Variants in TCF4 observed in about 807,000 individuals in gnomAD.
TCF4 encodes the protein SL3-3 enhancer factor 2.
A neutral mutation model predicts 82.1 loss-of-function variants in TCF4; 3 were observed. That is an observed-to-expected ratio of 0.04 (90% CI 0.02 to 0.09). The LOEUF (loss-of-function observed/expected upper bound fraction) is 0.09. TCF4 is among the 10% of genes least tolerant of loss of function. TCF4 has a pLI of 1.00. For synonymous variants in TCF4, 276 were observed against 309.6 expected, an observed-to-expected ratio of 0.89 and a Z score of 1.14; for missense variants, 518 against 852.7, an observed-to-expected ratio of 0.61 and a Z score of 4.89.
rs541967072 is a variant in TCF4 at position 55,287,460 on chromosome 18, T to C, written c.550-7804A>G. Among the ~76,000 whole-genome samples, 45 of 152,346 alleles carry C rather than the reference T, an allele frequency of 3.0e-4. 1 individual carries two copies. Among genetic ancestry groups the C allele is most frequent in the South Asian group, 6.2e-4 (3 of 4,826 alleles). Reference sequence around the variant, plus strand: ...TCATTCACCAAATTTCCTTTCCCGTTTTAGGAAGTCACAAAACGGTAAGAA... The same window carrying C: ...TCATTCACCAAATTTCCTTTCCCGTCTTAGGAAGTCACAAAACGGTAAGAA... On this transcript the variant is annotated intron_variant, in intron 8 of 19. Transcript: ENST00000354452.
intron 8 of TCF4, among the ~76,000 whole-genome samples, chr18:55,318,109 T>C (rs2074594943): frequency 6.6e-6 from 1 of 152,134 alleles, no homozygotes; most frequent in South Asian, 2.1e-4. Flanking sequence ...GATCTTCAAT[T>C]ACCATTACGA....
chr18:55,557,474 T>C (rs904508831), intron 3 of TCF4, among the ~76,000 whole-genome samples: 1 of 152,116 alleles, frequency 6.6e-6, no homozygotes, highest in Non-Finnish European at 1.5e-5. Context: ...GGAATGATGA[T>C]TGCATTTATT....
intron 5 of TCF4, among the ~76,000 whole-genome samples, chr18:55,442,159 T>C: frequency 6.6e-6 from 1 of 152,090 alleles, no homozygotes; most frequent in Non-Finnish European, 1.5e-5. Context: ...CAATGAAGAT[T>C]AAAAAAACAA....
intron 5 of TCF4, among the ~76,000 whole-genome samples, chr18:55,405,042 C>T (rs2094016361): frequency 6.6e-6 from 1 of 152,222 alleles, no homozygotes; most frequent in Non-Finnish European, 1.5e-5. Context: ...GAAGATCTAA[C>T]AGAATAACTT....
At chr18:55,529,108 G>A (rs939775356) in intron 3 of TCF4, among the ~76,000 whole-genome samples, 1 of 152,206 alleles carries the variant, frequency 6.6e-6, no homozygotes, top group Non-Finnish European at 1.5e-5. Flanking sequence ...AACCCAGGAG[G>A]TGGAGGTTGC....
chr18:55,330,904 T>C (rs2077461867), intron 8 of TCF4, among the ~76,000 whole-genome samples: 1 of 152,220 alleles, frequency 6.6e-6, no homozygotes, highest in Non-Finnish European at 1.5e-5. Flanking sequence ...AGTTCTAGCT[T>C]TGTCTAAATC....
intron 3 of TCF4, chr18:55,482,632 A>G (rs1181872140): frequency 1.3e-5 from 2 of 152,188 alleles, no homozygotes; most frequent in East Asian, 1.9e-4. Context: ...CAGTCTTCCT[A>G]TTGATGTCAG....
At chr18:55,527,868 A>T (rs182028508) in intron 3 of TCF4, among the ~76,000 whole-genome samples, 131 of 152,310 alleles carry the variant, frequency 8.6e-4, no homozygotes, top group Non-Finnish European at 1.5e-3. Context: ...GTTATAAAAA[A>T]ATGTTTTAAG....
chr18:55,556,636 T>C (rs1164621466), intron 3 of TCF4, among the ~76,000 whole-genome samples: 3 of 152,228 alleles, frequency 2.0e-5, no homozygotes, highest in South Asian at 2.1e-4. Flanking sequence ...ATTACAGGCA[T>C]AAGCCAATAC....
At chr18:55,543,310 T>G (rs2097179911) in intron 3 of TCF4, among the ~76,000 whole-genome samples, 1 of 152,064 alleles carries the variant, frequency 6.6e-6, no homozygotes, top group Non-Finnish European at 1.5e-5. Context: ...TCTACAAGGT[T>G]GGGGAGGATT....
chr18:55,250,760 G>C (rs1282363530), intron 15 of TCF4, among the ~76,000 whole-genome samples: 1 of 152,152 alleles, frequency 6.6e-6, no homozygotes, highest in East Asian at 1.9e-4. Flanking sequence ...GGGTCGGGGG[G>C]AGAGAGACAA....
chr18:55,595,469 G>A (rs2097689936), intron 2 of TCF4, among the ~76,000 whole-genome samples: 1 of 152,156 alleles, frequency 6.6e-6, no homozygotes, highest in Non-Finnish European at 1.5e-5. Context: ...TAGTGCATAA[G>A]TATTCCTCCA....
intron 5 of TCF4, chr18:55,452,493 A>G (rs2144422242): frequency 6.6e-6 from 1 of 152,440 alleles, no homozygotes; most frequent in East Asian, 1.9e-4. Context: ...TGTCCCAGGG[A>G]CGTGCTCCAG....
Position 55,306,995 on chromosome 18 carries a change from A to G in TCF4, c.550-27339T>C, listed in dbSNP as rs187199925. Among the ~76,000 whole-genome samples the G allele has an allele frequency of 6.4e-3, 972 of 152,346 alleles. 9 individuals are homozygous for G. Among genetic ancestry groups the G allele is most frequent in the Non-Finnish European group, 0.011 (723 of 68,026 alleles). On this transcript the variant is annotated intron_variant, in intron 8 of 19. Coordinates refer to ENST00000354452, the MANE Select transcript of TCF4 (RefSeq NM_001083962.2). ...AAGCTCATTATAATTAGGAACCACA[A>G]GCTATGACAACCATGACAGCAGCAT...
intron 3 of TCF4, among the ~76,000 whole-genome samples, chr18:55,539,975 A>C (rs1345620711): frequency 6.6e-6 from 1 of 152,130 alleles, no homozygotes; most frequent in African/African-American, 2.4e-5. Flanking sequence ...TCAAATGCTC[A>C]ATATACGTTA....
At chr18:55,577,974 T>C (rs1298947723) in intron 3 of TCF4, among the ~76,000 whole-genome samples, 1 of 152,106 alleles carries the variant, frequency 6.6e-6, no homozygotes, top group Non-Finnish European at 1.5e-5. Flanking sequence ...GGTGCTGCTG[T>C]AACCCAGGGT....
chr18:55,415,835 C>T (rs1443382070), intron 5 of TCF4, among the ~76,000 whole-genome samples: 1 of 152,124 alleles, frequency 6.6e-6, no homozygotes, highest in Non-Finnish European at 1.5e-5. Flanking sequence ...AAATTTCTAA[C>T]ATAATTAACA....
At position 55,623,447 on chromosome 18, in the gene TCF4, A is replaced by G. The variant is rs575711514; in HGVS notation, c.286+7851T>C. On this transcript the variant is annotated intron_variant, in intron 2 of 20. Coordinates refer to the TCF4 transcript ENST00000398339. Reference sequence around the variant, plus strand: ...TGGCTTTAGGATATGTTTGTAAATAAGACACATTTTTTAAACTGTATATAT... The same window carrying G: ...TGGCTTTAGGATATGTTTGTAAATAGGACACATTTTTTAAACTGTATATAT... 6.6e-5 allele frequency among the ~76,000 whole-genome samples: 10 copies of G among 152,332 alleles called. No individual in the cohort carries two copies. In the South Asian group the frequency reaches 1.9e-3, roughly 28 times the overall value.
chr18:55,593,506 G>A (rs542435072), upstream of TCF4, among the ~76,000 whole-genome samples: 15 of 152,268 alleles, frequency 9.9e-5, no homozygotes, highest in South Asian at 2.3e-3. Flanking sequence ...ATGTTGAAGG[G>A]TACTTGGTCT....
Sources: allele counts gnomAD v4.1 joint callset (sites outside exome capture counted in the v4.1 genomes callset), GRCh38; gene constraint gnomAD v4.1.1; transcripts MANE v1.5; gene names NCBI Gene and HGNC (gene_info 2026-07-23, HGNC 2026-07-21).